RAP1GAP2: variants seen among roughly 807,000 people sequenced by gnomAD.
The protein encoded by RAP1GAP2 is rap1 GTPase-activating protein 2.
RAP1GAP2 carries 27 observed loss-of-function variants against 95.0 expected under a neutral mutation model. The ratio of observed to expected loss-of-function variants is 0.28; its 90% CI spans 0.21 to 0.39. The LOEUF is 0.39. Ranked by LOEUF, RAP1GAP2 falls within the 10% of genes least tolerant of loss-of-function variation. The pLI is 1.00. For missense variants in RAP1GAP2, 771 were observed against 970.0 expected (o/e 0.79, Z 2.72); for synonymous variants, 373 against 380.9 (o/e 0.98, Z 0.24).
chr17:3,025,488 T>C (rs1201536339), intron 19 of RAP1GAP2, among the ~76,000 whole-genome samples: 2 of 152,226 alleles, frequency 1.3e-5, no homozygotes, highest in African/African-American at 4.8e-5. Flanking sequence ...TATTGTTGGC[T>C]GAGAGTACCC....
rs1011991572 is a variant in RAP1GAP2 at position 2,906,693 on chromosome 17, T to C, written c.165+1325T>C. On this transcript the variant is annotated intron_variant, in intron 3 of 24. Transcript: ENST00000254695. The surrounding 1 kb of genome is among the most constrained non-coding windows in gnomAD (Gnocchi z 4.3). ...CGAGTGTCCCCTTGGTCTACAAAGG[T>C]GGCTGTGGGATGCTTGTCTCTGTCC... 1.3e-5 allele frequency among the ~76,000 whole-genome samples: 2 copies of C among 151,992 alleles called. No individual in the cohort carries two copies. Among genetic ancestry groups the C allele is most frequent in the African/African-American group, 4.8e-5 (2 of 41,376 alleles).
At chr17:2,850,576 G>T (rs1283066057) in intron 2 of RAP1GAP2, among the ~76,000 whole-genome samples, 1 of 149,454 alleles carries the variant, frequency 6.7e-6, no homozygotes. Flanking sequence ...GTGAAACCCC[G>T]TCTCTACTAA....
At chr17:2,927,160 T>G (rs892957016) in intron 3 of RAP1GAP2, among the ~76,000 whole-genome samples, 1 of 151,288 alleles carries the variant, frequency 6.6e-6, no homozygotes, top group Non-Finnish European at 1.5e-5. Context: ...CTGGAGCAAG[T>G]CTTTTTTTTT....
intron 2 of RAP1GAP2, among the ~76,000 whole-genome samples, chr17:2,890,488 A>T (rs1440868081): frequency 6.6e-6 from 1 of 151,474 alleles, no homozygotes; most frequent in Non-Finnish European, 1.5e-5. Flanking sequence ...GTGATAGGGA[A>T]ACTTTCAGTG....
At chr17:2,884,768 C>T (rs887801389) in intron 2 of RAP1GAP2, among the ~76,000 whole-genome samples, 5 of 152,184 alleles carry the variant, frequency 3.3e-5, no homozygotes, top group African/African-American at 1.2e-4. Context: ...GCCGACTCAT[C>T]TATATATAAG....
Position 2,906,942 on chromosome 17 carries a change from C to T in RAP1GAP2, c.165+1574C>T, listed in dbSNP as rs180906280. Among the ~76,000 whole-genome samples the T allele has an allele frequency of 6.6e-6, 1 of 152,242 alleles. No homozygotes were observed. The highest frequency in any genetic ancestry group is 6.5e-5 in the Admixed American group (1 of 15,284). On this transcript the variant is annotated intron_variant, in intron 3 of 24. Transcript: ENST00000254695. This position sits in a 1 kb window ranked among gnomAD's most constrained non-coding sequence, Gnocchi z 4.3. ...TATTTTTTGCCTTTGTAATTGCAAG[C>T]ATAGACGGCAGGCATGACTGCATCC...
At chr17:2,885,035 T>C (rs1033330073) in intron 2 of RAP1GAP2, among the ~76,000 whole-genome samples, 7 of 143,130 alleles carry the variant, frequency 4.9e-5, no homozygotes, top group Admixed American at 1.4e-4. Context: ...TTTCTTTTTT[T>C]TTTTTTTTTT....
chr17:2,943,034 G>A (rs2043562647), intron 3 of RAP1GAP2, among the ~76,000 whole-genome samples: 1 of 152,236 alleles, frequency 6.6e-6, no homozygotes, highest in East Asian at 1.9e-4. Flanking sequence ...CACCCAAAGT[G>A]CTGGGATTAC....
At chr17:2,833,811 G>T (rs192959255) in intron 2 of RAP1GAP2, among the ~76,000 whole-genome samples, 45 of 152,174 alleles carry the variant, frequency 3.0e-4, no homozygotes, top group African/African-American at 1.0e-3. Context: ...CTGGGTGATA[G>T]GGTAGGTGAC....
At chr17:2,910,108 T>C (rs56052417) in intron 3 of RAP1GAP2, among the ~76,000 whole-genome samples, 13,950 of 152,252 alleles carry the variant, frequency 0.092, 840 homozygotes, top group African/African-American at 0.17. Flanking sequence ...TGAAATAATA[T>C]TGCAGCTCCT....
At chr17:2,900,424 C>G (rs1046996036) in intron 2 of RAP1GAP2, among the ~76,000 whole-genome samples, 5 of 152,062 alleles carry the variant, frequency 3.3e-5, no homozygotes, top group African/African-American at 9.7e-5. Context: ...TATGTCACAG[C>G]TGTTATTTTT....
At chr17:2,921,791 T>C (rs377283378) in intron 3 of RAP1GAP2, among the ~76,000 whole-genome samples, 2 of 151,840 alleles carry the variant, frequency 1.3e-5, no homozygotes, top group African/African-American at 4.8e-5. Context: ...CGCCAGAGGC[T>C]CGAGGGGAAG....
intron 3 of RAP1GAP2, among the ~76,000 whole-genome samples, chr17:2,931,798 G>A (rs1056049914): frequency 7.2e-5 from 11 of 152,216 alleles, no homozygotes; most frequent in African/African-American, 2.7e-4. Context: ...CTCCCAGCAA[G>A]TGAGGAGGCT....
intron 3 of RAP1GAP2, among the ~76,000 whole-genome samples, chr17:2,949,953 T>C (rs1354740390): frequency 1.3e-5 from 2 of 152,206 alleles, no homozygotes; most frequent in African/African-American, 4.8e-5. Flanking sequence ...ACCCAGCACG[T>C]TGCTCATGGC....
At chr17:2,922,045 C>A (rs898457329) in intron 3 of RAP1GAP2, among the ~76,000 whole-genome samples, 1 of 152,234 alleles carries the variant, frequency 6.6e-6, no homozygotes, top group Non-Finnish European at 1.5e-5. Context: ...CCAACTGTTA[C>A]AACAAAATAC....
chr17:2,976,980 C>T (rs184352651), intron 8 of RAP1GAP2, among the ~76,000 whole-genome samples: 18 of 151,502 alleles, frequency 1.2e-4, no homozygotes, highest in Admixed American at 2.6e-4. Context: ...ACTAAAAATA[C>T]AAAAAAATTA....
At chr17:2,933,497 G>A (rs2043218891) in intron 3 of RAP1GAP2, among the ~76,000 whole-genome samples, 1 of 152,126 alleles carries the variant, frequency 6.6e-6, no homozygotes, top group South Asian at 2.1e-4. Flanking sequence ...TTTCCGGGAG[G>A]CCAACACCTC....
At chr17:3,016,555 G>A (rs2046774536) in intron 17 of RAP1GAP2, among the ~76,000 whole-genome samples, 1 of 152,248 alleles carries the variant, frequency 6.6e-6, no homozygotes, top group African/African-American at 2.4e-5. Context: ...CCCAATGTGA[G>A]GAATATGTCT....
intron 14 of RAP1GAP2, among the ~76,000 whole-genome samples, chr17:3,000,181 C>T (rs182359676): frequency 2.0e-5 from 3 of 152,230 alleles, no homozygotes; most frequent in Admixed American, 1.3e-4. Flanking sequence ...ACTCCTGACC[C>T]CAAGTGATCT....
Sources: gnomAD v4.1 joint callset for allele counts (sites outside exome capture counted in the v4.1 genomes callset) on GRCh38, gnomAD v4.1.1 for gene constraint, Gnocchi (gnomAD v3.1) non-coding constraint, MANE v1.5 for transcripts, NCBI Gene and HGNC (gene_info 2026-07-23, HGNC 2026-07-21) for gene names.